ENOX1: variants seen among roughly 807,000 people sequenced by gnomAD.
ENOX1 encodes the protein candidate growth-related and time keeping constitutive hydroquinone (NADH) oxidase.
ENOX1 carries 42 observed loss-of-function variants against 82.5 expected under a neutral mutation model. That is an observed-to-expected ratio of 0.51 (90% CI 0.40 to 0.66). ENOX1 has a LOEUF of 0.66. ENOX1 is among the 30% of genes least tolerant of loss of function. The probability of loss-of-function intolerance (pLI) is 0.00; values close to 1 mark genes in which losing one functional copy is unlikely to be tolerated. For missense variants in ENOX1, 608 were observed against 811.6 expected (o/e 0.75, Z 3.05); for synonymous variants, 271 against 282.2 (o/e 0.96, Z 0.40).
intron 2 of ENOX1, among the ~76,000 whole-genome samples, chr13:43,517,368 G>A (rs1185368615): frequency 6.6e-6 from 1 of 152,114 alleles, no homozygotes; most frequent in Admixed American, 6.6e-5. Context: ...CGTGGTGGTA[G>A]GTGCCTGTAA....
chr13:43,420,508 G>T (rs542956440), intron 3 of ENOX1, among the ~76,000 whole-genome samples: 1 of 152,286 alleles, frequency 6.6e-6, no homozygotes, highest in Admixed American at 6.5e-5. Flanking sequence ...TCATCTTATT[G>T]TTAAGGGAGG....
chr13:43,516,098 T>G (rs928540464), intron 2 of ENOX1, among the ~76,000 whole-genome samples: 2 of 152,202 alleles, frequency 1.3e-5, no homozygotes, highest in Admixed American at 1.3e-4. Context: ...CAGCGGGAAC[T>G]CCATAGATGC....
At position 43,227,889 on chromosome 13, in the gene ENOX1, C is replaced by T. The variant is rs536190945; in HGVS notation, c.1715-3751G>A. On this transcript the variant is annotated intron_variant, in intron 15 of 16. Transcript: ENST00000690772. ...CCCAATTATCCAGTGTTGCTAGAGA[C>T]ACAGCCGAAAGGAAAGCATGAGTCA... Among the ~76,000 whole-genome samples the T allele has an allele frequency of 3.0e-4, 46 of 152,204 alleles. 1 individual carries two copies. Among genetic ancestry groups the T allele is most frequent in the Non-Finnish European group, 5.4e-4 (37 of 68,008 alleles).
intron 1 of ENOX1, among the ~76,000 whole-genome samples, chr13:43,743,418 T>C (rs1949858839): frequency 6.6e-6 from 1 of 152,206 alleles, no homozygotes; most frequent in African/African-American, 2.4e-5. Flanking sequence ...AGGAGCCTCA[T>C]TTCCTATTAA....
intron 2 of ENOX1, among the ~76,000 whole-genome samples, chr13:43,571,124 A>C (rs893743318): frequency 2.0e-5 from 3 of 152,146 alleles, no homozygotes; most frequent in Non-Finnish European, 4.4e-5. Context: ...AGAATCTCCT[A>C]TTCTGTTATG....
chr13:43,384,027 C>T (rs1406286421), intron 5 of ENOX1, among the ~76,000 whole-genome samples: 2 of 152,194 alleles, frequency 1.3e-5, no homozygotes, highest in Admixed American at 6.5e-5. Flanking sequence ...GTGTTCACAT[C>T]CCGGCTGCAC....
At chr13:43,456,797 A>G (rs2057253216) in intron 3 of ENOX1, among the ~76,000 whole-genome samples, 1 of 152,164 alleles carries the variant, frequency 6.6e-6, no homozygotes, top group Non-Finnish European at 1.5e-5. Flanking sequence ...TAACTACTCC[A>G]TATACTCTGT....
rs550992364 is a variant in ENOX1 at position 43,598,730 on chromosome 13, T to C, written c.-219+68749A>G. On this transcript the variant is annotated intron_variant, in intron 2 of 16. Coordinates refer to ENST00000690772, the MANE Select transcript of ENOX1 (RefSeq NM_001347969.2). The stretch of plus-strand genomic sequence containing the variant: ...ATACAGTGTGCTATGTTCAAAACTG[T>C]AGAAAAATGTGTGTTAAAACTATGG... Among the ~76,000 whole-genome samples the C allele has an allele frequency of 2.6e-5, 4 of 152,324 alleles. No individual in the cohort carries two copies. The East Asian group carries it at 7.7e-4, about 29-fold the overall frequency.
At chr13:43,553,089 G>C (rs1025845874) in intron 2 of ENOX1, among the ~76,000 whole-genome samples, 9 of 152,110 alleles carry the variant, frequency 5.9e-5, no homozygotes, top group Non-Finnish European at 1.2e-4. Context: ...TGAGCAGTCA[G>C]AGGCAACCTA....
At chr13:43,507,072 A>C (rs983927892) in intron 2 of ENOX1, among the ~76,000 whole-genome samples, 3 of 152,028 alleles carry the variant, frequency 2.0e-5, no homozygotes, top group African/African-American at 7.2e-5. Context: ...TTATTAAAGA[A>C]ATAATCAGAC....
chr13:43,303,273 G>A (rs1171218758), intron 11 of ENOX1, among the ~76,000 whole-genome samples: 2 of 152,220 alleles, frequency 1.3e-5, no homozygotes, highest in East Asian at 1.9e-4. Context: ...CCTCAGCCAC[G>A]ATCCTGCCTC....
intron 9 of ENOX1, among the ~76,000 whole-genome samples, chr13:43,332,667 T>G (rs1314206496): frequency 6.6e-6 from 1 of 152,210 alleles, no homozygotes; most frequent in African/African-American, 2.4e-5. Context: ...CCAAGTATAC[T>G]CCAGGGAATT....
chr13:43,537,487 T>A (rs960012866), intron 2 of ENOX1, among the ~76,000 whole-genome samples: 5 of 152,218 alleles, frequency 3.3e-5, no homozygotes, highest in African/African-American at 7.2e-5. Flanking sequence ...GTTTTGTAAC[T>A]GTTACTGTGA....
chr13:43,306,365 T>C (rs991196790), intron 11 of ENOX1, among the ~76,000 whole-genome samples: 1 of 152,224 alleles, frequency 6.6e-6, no homozygotes, highest in Non-Finnish European at 1.5e-5. Flanking sequence ...ATTTTAGTTT[T>C]CTTTTTCACT....
chr13:43,760,483 C>G (rs190199729), intron 1 of ENOX1, among the ~76,000 whole-genome samples: 1 of 152,100 alleles, frequency 6.6e-6, no homozygotes, highest in South Asian at 2.1e-4. Flanking sequence ...TGCCCTCCCC[C>G]GAATGCCTGG....
intron 3 of ENOX1, among the ~76,000 whole-genome samples, chr13:43,473,209 T>G (rs929109172): frequency 6.6e-6 from 1 of 152,236 alleles, no homozygotes; most frequent in African/African-American, 2.4e-5. Flanking sequence ...CTACTATGAC[T>G]GTCATCCTTT....
intron 11 of ENOX1, among the ~76,000 whole-genome samples, chr13:43,321,318 G>C (rs994857539): frequency 3.9e-5 from 6 of 152,188 alleles, no homozygotes; most frequent in African/African-American, 1.4e-4. Flanking sequence ...GATGATGCTG[G>C]TGCTACTGGA....
chr13:43,774,519 A>T (rs1207026528), intron 1 of ENOX1, among the ~76,000 whole-genome samples: 1 of 152,152 alleles, frequency 6.6e-6, no homozygotes, highest in Admixed American at 6.5e-5. Context: ...CTAGAACCCT[A>T]ATTTGTCCAT....
At chr13:43,342,578 G>A (rs1244877001) in intron 9 of ENOX1, among the ~76,000 whole-genome samples, 1 of 152,114 alleles carries the variant, frequency 6.6e-6, no homozygotes, top group Non-Finnish European at 1.5e-5. Context: ...CTCCTTCTCA[G>A]GGAGTGATGA....
Sources: allele counts gnomAD v4.1 joint callset (sites outside exome capture counted in the v4.1 genomes callset), GRCh38; gene constraint gnomAD v4.1.1; transcripts MANE v1.5; gene names NCBI Gene and HGNC (gene_info 2026-07-23, HGNC 2026-07-21).